PDE7A: variants seen among roughly 807,000 people sequenced by gnomAD.
The protein encoded by PDE7A is phosphodiesterase 7A, also known as high affinity 3',5'-cyclic-AMP phosphodiesterase 7A.
Under a neutral mutation model 64.3 loss-of-function variants are expected in PDE7A, and 39 were observed. The observed-to-expected ratio is 0.61, with a 90% CI of 0.47 to 0.79. The LOEUF (loss-of-function observed/expected upper bound fraction) is 0.79. Ranked by LOEUF, PDE7A falls within the 30% of genes least tolerant of loss-of-function variation. The pLI is 0.00. For synonymous variants in PDE7A, 203 were observed against 206.8 expected (o/e 0.98, Z 0.16); for missense variants, 470 against 582.8 (o/e 0.81, Z 1.99).
chr8:65,732,558 C>T (rs1475808838), intron 7 of PDE7A, among the ~76,000 whole-genome samples: 2 of 152,196 alleles, frequency 1.3e-5, no homozygotes, highest in Non-Finnish European at 2.9e-5. Flanking sequence ...TAGGTTGTCA[C>T]CCAGGCTGCA....
intron 1 of PDE7A, among the ~76,000 whole-genome samples, chr8:65,837,301 G>T (rs952131132): frequency 6.6e-6 from 1 of 152,204 alleles, no homozygotes; most frequent in South Asian, 2.1e-4. Flanking sequence ...CTTGGTTAGG[G>T]TGGCAGTGTT....
chr8:65,802,475 G>A (rs1000598223), intron 1 of PDE7A, among the ~76,000 whole-genome samples: 5 of 152,192 alleles, frequency 3.3e-5, no homozygotes, highest in African/African-American at 4.8e-5. Context: ...GGGAGCACTG[G>A]CTTTGGGTCA....
chr8:65,827,351 T>A (rs911083009), intron 1 of PDE7A, among the ~76,000 whole-genome samples: 12 of 152,198 alleles, frequency 7.9e-5, no homozygotes, highest in Admixed American at 5.9e-4. Context: ...TCTATGATCT[T>A]AAGCCGTAAT....
intron 12 of PDE7A, chr8:65,723,330 G>A (rs1308652610): frequency 2.9e-6 from 1 of 340,032 alleles, no homozygotes; most frequent in East Asian, 5.8e-5. Context: ...TATTGCTGCT[G>A]CCTGTTCTGC....
chr8:65,777,149 G>A (rs192380396), intron 3 of PDE7A, among the ~76,000 whole-genome samples: 1 of 143,714 alleles, frequency 7.0e-6, no homozygotes, highest in Non-Finnish European at 1.5e-5. Flanking sequence ...ATGCAATCCT[G>A]GCTAACCGCA....
intron 7 of PDE7A, among the ~76,000 whole-genome samples, chr8:65,730,920 C>G (rs1806858033): frequency 6.6e-6 from 1 of 152,150 alleles, no homozygotes; most frequent in South Asian, 2.1e-4. Context: ...GAGACTCCAT[C>G]TGAAAAACAA....
Position 65,831,616 on chromosome 8 carries a change from A to G in PDE7A, c.138+9755T>C, listed in dbSNP as rs530734240. 6.6e-5 allele frequency among the ~76,000 whole-genome samples: 10 copies of G among 152,202 alleles called. No individual in the cohort carries two copies. The South Asian group carries it at 1.9e-3, about 28-fold the overall frequency. ...AAATTACTTTACAATAATCAGAGCT[A>G]TGCAGGTGTACCTGTCATGCATATA... On this transcript the variant is annotated intron_variant, in intron 1 of 12. Coordinates refer to ENST00000401827, the MANE Select transcript of PDE7A (RefSeq NM_001242318.3).
chr8:65,717,981 T>C lies in PDE7A; in HGVS notation c.*1309A>G, dbSNP rs753582598. ...GTTTGAAGTTTAAAATTAGTCCTTA[T>C]AGTTTGTCCTAGAAAACATCTGTTC... On this transcript the variant is annotated 3_prime_UTR_variant, in exon 13 of 13. Transcript: ENST00000401827. The C allele has an allele frequency of 6.6e-6, 1 of 152,250 alleles. No homozygotes were observed. Among genetic ancestry groups the C allele is most frequent in the Non-Finnish European group, 1.5e-5 (1 of 68,042 alleles). The allele number at this position is 152,250 out of a possible 1,614,324, so 9.4% of individuals were successfully genotyped here.
At chr8:65,796,716 TA>T (rs927202178) in intron 1 of PDE7A, among the ~76,000 whole-genome samples, 16 of 152,214 alleles carry the variant, frequency 1.1e-4, no homozygotes, top group Admixed American at 3.3e-4. Context: ...GGACATCTAT[TA>T]AAAAAATCCA....
At chr8:65,795,962 TA>T (rs943899544) in intron 1 of PDE7A, among the ~76,000 whole-genome samples, 1 of 149,706 alleles carries the variant, frequency 6.7e-6, no homozygotes, top group Non-Finnish European at 1.5e-5. Context: ...AAAAAGAAAC[TA>T]AAAAAATGGA....
At chr8:65,780,826 G>C (rs1314684815) in intron 2 of PDE7A, 2 of 152,244 alleles carry the variant, frequency 1.3e-5, no homozygotes, top group Non-Finnish European at 2.9e-5. Flanking sequence ...GGCTTGCCTA[G>C]AGGGCACTCC....
intron 1 of PDE7A, among the ~76,000 whole-genome samples, chr8:65,801,601 T>C (rs1043624863): frequency 2.0e-5 from 3 of 150,650 alleles, no homozygotes; most frequent in African/African-American, 7.3e-5. Context: ...TCTACACTCA[T>C]TTAAAAAAAA....
chr8:65,723,757 G>C lies in PDE7A; in HGVS notation c.1163-136C>G, dbSNP rs977263771. Reference sequence around the variant, plus strand: ...TCATGAGAGGACAGCTTCGCAATTAGTTCTTTTTAAAATTTTAAGTTATTT... The same window carrying C: ...TCATGAGAGGACAGCTTCGCAATTACTTCTTTTTAAAATTTTAAGTTATTT... On this transcript the variant is annotated intron_variant, in intron 11 of 12. Coordinates refer to ENST00000401827, the MANE Select transcript of PDE7A (RefSeq NM_001242318.3). 11 of 538,284 alleles carry C rather than the reference G, an allele frequency of 2.0e-5. No homozygotes were observed. The African/African-American group carries it at 2.2e-4, about 11-fold the overall frequency. The allele number at this position is 538,284 out of a possible 1,614,324, so 33.3% of individuals were successfully genotyped here.
At position 65,723,560 on chromosome 8, in the gene PDE7A, A is replaced by C. The variant is rs1372153863; in HGVS notation, c.1224T>G (p.Ser408=). The change falls in exon 12 of 13, where the codon TCT becomes TCG. Residue 408 remains serine, a synonymous_variant. Transcript: ENST00000401827. ...AGTTACCAATCTGGATGTTGGCAATAGATTCAGTGTGACGATCGCAAAGTG... is the reference window on the plus strand; with the variant it reads ...AGTTACCAATCTGGATGTTGGCAATCGATTCAGTGTGACGATCGCAAAGTG... ...VSPLCDRHTE[S]IANIQIGFMT... is the part of the protein sequence containing the mutation. 6.3e-7 allele frequency: 1 copy of C among 1,580,972 alleles called. No homozygotes were observed.
chr8:65,798,197 TATATATA>T (rs1179067472), intron 1 of PDE7A, among the ~76,000 whole-genome samples: 5,668 of 32,816 alleles, frequency 0.17, 187 homozygotes, highest in Middle Eastern at 0.26. Flanking sequence ...TATATATATA[TATATATA>T]TATTTTTTTT....
chr8:65,791,553 G>C (rs1513723), intron 1 of PDE7A, among the ~76,000 whole-genome samples: 65,591 of 152,038 alleles, frequency 0.43, 15,434 homozygotes, highest in African/African-American at 0.61. Flanking sequence ...AGAAACCTCC[G>C]ATTCTCAGCA....
intron 5 of PDE7A, among the ~76,000 whole-genome samples, chr8:65,744,370 T>C (rs564732000): frequency 7.2e-5 from 11 of 152,348 alleles, no homozygotes; most frequent in Admixed American, 3.3e-4. Flanking sequence ...TGCCTAAGGT[T>C]TAGTGGTCCT....
chr8:65,809,480 T>C (rs942184327), intron 1 of PDE7A, among the ~76,000 whole-genome samples: 1 of 152,154 alleles, frequency 6.6e-6, no homozygotes, highest in Non-Finnish European at 1.5e-5. Context: ...TACCACAACA[T>C]GACACTAGAA....
intron 3 of PDE7A, among the ~76,000 whole-genome samples, chr8:65,769,752 C>A: frequency 6.6e-6 from 1 of 152,156 alleles, no homozygotes; most frequent in East Asian, 1.9e-4. Flanking sequence ...AAATATTAGC[C>A]GGGCATGGTA....
Sources: gnomAD v4.1 joint callset for allele counts (sites outside exome capture counted in the v4.1 genomes callset) on GRCh38, gnomAD v4.1.1 for gene constraint, MANE v1.5 for transcripts, NCBI Gene and HGNC (gene_info 2026-07-23, HGNC 2026-07-21) for gene names.